The following DLG2 variants were observed in gnomAD, a reference collection of about 807,000 sequenced individuals.
DLG2 encodes the protein disks large homolog 2.
A neutral mutation model predicts 132.5 loss-of-function variants in DLG2; 45 were observed. The observed-to-expected ratio is 0.34, with a 90% confidence interval of 0.27 to 0.44. DLG2 has a LOEUF of 0.44. Ranked by LOEUF, DLG2 falls within the 20% of genes least tolerant of loss-of-function variation. The pLI, the probability that DLG2 is intolerant of heterozygous loss-of-function variation, is 1.00. For synonymous variants in DLG2, 424 were observed against 419.6 expected (o/e 1.01, Z -0.13); for missense variants, 1,045 against 1,196.9 (o/e 0.87, Z 1.87).
intron 10 of DLG2, among the ~76,000 whole-genome samples, chr11:84,088,320 C>G (rs2097026250): frequency 6.6e-6 from 1 of 151,448 alleles, no homozygotes; most frequent in South Asian, 2.1e-4. Context: ...GAGATGGGAG[C>G]CAATTACATT....
intron 18 of DLG2, among the ~76,000 whole-genome samples, chr11:83,760,180 T>A (rs954265585): frequency 2.0e-5 from 3 of 152,202 alleles, no homozygotes; most frequent in Non-Finnish European, 4.4e-5. Context: ...TCCCTTGACA[T>A]GCTCAGTTCA....
chr11:85,164,706 C>T (rs1270988657), intron 4 of DLG2, among the ~76,000 whole-genome samples: 3 of 152,142 alleles, frequency 2.0e-5, no homozygotes, highest in Non-Finnish European at 4.4e-5. Context: ...TTACAATAAG[C>T]TAGGCCTCTC....
chr11:85,044,370 TAC>T (rs1240365329), intron 6 of DLG2, among the ~76,000 whole-genome samples: 1 of 152,042 alleles, frequency 6.6e-6, no homozygotes, highest in African/African-American at 2.4e-5. Flanking sequence ...CCTTATTACG[TAC>T]ACTCTTTTGA....
Position 83,541,814 on chromosome 11 carries a change from C to T in DLG2, c.1985G>A (p.Ser662Asn). 6.2e-7 allele frequency: 1 copy of T among 1,612,752 alleles called. No individual in the cohort carries two copies. Among genetic ancestry groups the T allele is most frequent in the Non-Finnish European group, 8.5e-7 (1 of 1,179,254 alleles). The change falls in exon 20 of 28, where the codon AGT becomes AAT. Residue 662 changes from serine (S) to asparagine (N), a missense_variant. Transcript: ENST00000376104. ...TCCATATTTAAAACTAAGTCCTTGA[C>T]TTGGCAGCCCACTGTCCTTGCTCTT... ...YDKSKDSGLP[S>N]QGLSFKYGDI...
In DLG2 at chr11:84,138,411, C is replaced by T. The variant is rs946756759; in HGVS notation, c.624+25050G>A. On this transcript the variant is annotated intron_variant, in intron 9 of 27. Transcript: ENST00000376104. ...GTGTTGCCAAAGGATTTGATCAGTT[C>T]ACCTAGGAGCATCCTCGAGGTTCCA... is the stretch of plus-strand genomic sequence containing the variant. Among the ~76,000 whole-genome samples the T allele has an allele frequency of 2.6e-5, 4 of 152,138 alleles. 1 individual carries two copies. The South Asian group carries it at 6.2e-4, about 24-fold the overall frequency.
intron 20 of DLG2, 29 bp from the exon 21 acceptor site, chr11:83,532,812 T>C: frequency 6.3e-7 from 1 of 1,595,284 alleles, no homozygotes; most frequent in Non-Finnish European, 8.6e-7. Flanking sequence ...AAAGAGTCTC[T>C]CACGTGACAA....
intron 6 of DLG2, among the ~76,000 whole-genome samples, chr11:84,823,581 CCACACACACACACACACACA>C (rs60714512): frequency 8.9e-5 from 12 of 134,404 alleles, no homozygotes; most frequent in South Asian, 2.7e-4. Flanking sequence ...GGTTGTATAT[CCACACACACACACACACACA>C]CACACACACA....
intron 20 of DLG2, among the ~76,000 whole-genome samples, chr11:83,541,371 T>C (rs1057012715): frequency 6.6e-6 from 1 of 152,210 alleles, no homozygotes; most frequent in African/African-American, 2.4e-5. Flanking sequence ...AATTTGTAAG[T>C]CGGCATATGA....
At chr11:84,269,475 C>A (rs1244427066) in intron 7 of DLG2, among the ~76,000 whole-genome samples, 7 of 152,172 alleles carry the variant, frequency 4.6e-5, no homozygotes. Flanking sequence ...ATGAAGCTTG[C>A]CCCTTCTCTG....
rs143659022 is a variant in DLG2 at position 83,463,665 on chromosome 11, C to T, written c.2730-1572G>A. ...CATTAGCTGGGTATGGTGGCACATA[C>T]CTTTAGTCCCAGCTACTTGGGAGGC... On this transcript the variant is annotated intron_variant, in intron 26 of 27. Coordinates refer to ENST00000376104, the MANE Select transcript of DLG2 (RefSeq NM_001142699.3). Among the ~76,000 whole-genome samples, 1,084 of 152,204 alleles carry T rather than the reference C, an allele frequency of 7.1e-3. 7 individuals carry two copies. Among genetic ancestry groups the T allele is most frequent in the Non-Finnish European group, 8.9e-3 (605 of 68,000 alleles).
intron 17 of DLG2, among the ~76,000 whole-genome samples, chr11:83,794,038 C>A (rs897233989): frequency 6.6e-6 from 1 of 152,150 alleles, no homozygotes; most frequent in African/African-American, 2.4e-5. Context: ...ACCAGCCAAG[C>A]GCTCCTCTTG....
At chr11:84,761,260 G>T (rs1210345242) in intron 6 of DLG2, among the ~76,000 whole-genome samples, 1 of 152,190 alleles carries the variant, frequency 6.6e-6, no homozygotes, top group Admixed American at 6.5e-5. Flanking sequence ...TGGTGTAATG[G>T]TTACTCCAGA....
At chr11:84,307,089 G>T (rs1472515669) in intron 7 of DLG2, among the ~76,000 whole-genome samples, 3 of 152,132 alleles carry the variant, frequency 2.0e-5, no homozygotes, top group Non-Finnish European at 4.4e-5. Flanking sequence ...CAAAGACATG[G>T]AATCAACCTA....
chr11:85,553,023 T>C (rs1426787180), intron 3 of DLG2, among the ~76,000 whole-genome samples: 1 of 151,590 alleles, frequency 6.6e-6, no homozygotes, highest in Non-Finnish European at 1.5e-5. Context: ...CTCAGAGAAA[T>C]GATACATTGA....
chr11:84,430,111 C>T (rs982896609), intron 7 of DLG2, among the ~76,000 whole-genome samples: 1 of 152,076 alleles, frequency 6.6e-6, no homozygotes, highest in African/African-American at 2.4e-5. Context: ...ATGGCAAAAT[C>T]CCATAACATC....
intron 3 of DLG2, among the ~76,000 whole-genome samples, chr11:85,567,482 C>T (rs1033224051): frequency 6.6e-6 from 1 of 152,042 alleles, no homozygotes; most frequent in Admixed American, 6.5e-5. Context: ...GCATTGATTG[C>T]TTTTGTATTC....
At chr11:84,005,388 A>G (rs1410389949) in intron 11 of DLG2, among the ~76,000 whole-genome samples, 2 of 152,042 alleles carry the variant, frequency 1.3e-5, no homozygotes, top group Admixed American at 6.6e-5. Context: ...CTGAAATTAT[A>G]AAACTCACAG....
intron 6 of DLG2, among the ~76,000 whole-genome samples, chr11:84,561,497 T>C (rs1056602854): frequency 6.6e-6 from 1 of 152,152 alleles, no homozygotes. Context: ...TATTTAGAAG[T>C]GTAATTAATC....
At chr11:84,844,888 T>C (rs1051591626) in intron 6 of DLG2, among the ~76,000 whole-genome samples, 4 of 152,164 alleles carry the variant, frequency 2.6e-5, no homozygotes, top group Non-Finnish European at 5.9e-5. Context: ...ACATCTTCCC[T>C]GTTACTTGAA....
Sources: allele counts gnomAD v4.1 joint callset (sites outside exome capture counted in the v4.1 genomes callset), GRCh38; gene constraint gnomAD v4.1.1; transcripts MANE v1.5; gene names NCBI Gene and HGNC (gene_info 2026-07-23, HGNC 2026-07-21).